Variants in PCCA observed in about 807,000 individuals in gnomAD.
PCCA encodes the protein propionyl-CoA carboxylase alpha chain, mitochondrial.
PCCA carries 74 observed loss-of-function variants against 101.3 expected under a neutral mutation model. That is an observed-to-expected ratio of 0.73 (90% CI 0.61 to 0.89). The LOEUF is 0.89. Ranked by LOEUF, PCCA falls within the 40% of genes least tolerant of loss-of-function variation. The pLI is 0.00. For synonymous variants in PCCA, 294 were observed against 313.6 expected, an observed-to-expected ratio of 0.94 and a Z score of 0.66; for missense variants, 891 against 907.0, an observed-to-expected ratio of 0.98 and a Z score of 0.23.
At chr13:100,112,828 G>A (rs920236562) in intron 4 of PCCA, among the ~76,000 whole-genome samples, 2 of 151,966 alleles carry the variant, frequency 1.3e-5, no homozygotes, top group African/African-American at 4.8e-5. Context: ...TGCCTGCCCC[G>A]GCCTCCCAAA....
chr13:100,443,598 T>C (rs1032153846), intron 20 of PCCA, among the ~76,000 whole-genome samples: 4 of 152,162 alleles, frequency 2.6e-5, no homozygotes, highest in Non-Finnish European at 4.4e-5. Context: ...GTTTTTGTCG[T>C]ATGAAGCTGA....
intron 11 of PCCA, among the ~76,000 whole-genome samples, chr13:100,270,754 A>G (rs1348767744): frequency 6.6e-6 from 1 of 152,146 alleles, no homozygotes; most frequent in Non-Finnish European, 1.5e-5. Context: ...CACACCTGTA[A>G]TCTTAGCACT....
At chr13:100,158,017 C>T (rs909841710) in intron 6 of PCCA, among the ~76,000 whole-genome samples, 8 of 152,160 alleles carry the variant, frequency 5.3e-5, no homozygotes, top group South Asian at 2.1e-4. Context: ...CATCATTAGG[C>T]GAGTTCATCC....
At chr13:100,100,103 T>C (rs1226481287) in intron 1 of PCCA, among the ~76,000 whole-genome samples, 3 of 152,212 alleles carry the variant, frequency 2.0e-5, no homozygotes, top group East Asian at 3.9e-4. Context: ...TTGATCCTTT[T>C]AATAACTCCC....
At chr13:100,133,504 T>G (rs1343743902) in intron 4 of PCCA, among the ~76,000 whole-genome samples, 1 of 152,238 alleles carries the variant, frequency 6.6e-6, no homozygotes, top group Non-Finnish European at 1.5e-5. Flanking sequence ...TTCAAGATTT[T>G]TGTAGTTTTG....
intron 21 of PCCA, chr13:100,473,083 A>G (rs538280128): frequency 2.6e-5 from 4 of 152,238 alleles, no homozygotes; most frequent in Non-Finnish European, 5.9e-5. Context: ...GCCATCTAGA[A>G]TGGAATAATT....
intron 19 of PCCA, among the ~76,000 whole-genome samples, chr13:100,404,765 C>G (rs968794789): frequency 1.3e-5 from 2 of 152,178 alleles, no homozygotes; most frequent in Non-Finnish European, 1.5e-5. Context: ...CTCTTACCCA[C>G]GTAACGCCCT....
At chr13:100,497,349 A>C (rs1330104120) in intron 21 of PCCA, among the ~76,000 whole-genome samples, 1 of 152,176 alleles carries the variant, frequency 6.6e-6, no homozygotes, top group Non-Finnish European at 1.5e-5. Context: ...AAAGTCACCG[A>C]ATTTGGCTTT....
intron 21 of PCCA, among the ~76,000 whole-genome samples, chr13:100,504,463 C>T (rs953634116): frequency 2.6e-5 from 4 of 152,272 alleles, no homozygotes; most frequent in South Asian, 4.1e-4. Context: ...GGCGTGAGAG[C>T]GATTTAGATC....
chr13:100,277,381 G>A (rs1460043066), intron 12 of PCCA, among the ~76,000 whole-genome samples: 2 of 152,116 alleles, frequency 1.3e-5, no homozygotes, highest in African/African-American at 4.8e-5. Context: ...GGTGTTGAGT[G>A]TTGGGTTTGC....
At chr13:100,136,776 G>A (rs2051226352) in intron 4 of PCCA, among the ~76,000 whole-genome samples, 1 of 151,976 alleles carries the variant, frequency 6.6e-6, no homozygotes, top group Non-Finnish European at 1.5e-5. Context: ...TATTTTGGAT[G>A]TCGTTTTTTT....
At chr13:100,378,054 A>G (rs953379654) in intron 19 of PCCA, among the ~76,000 whole-genome samples, 6 of 152,070 alleles carry the variant, frequency 3.9e-5, no homozygotes, top group Non-Finnish European at 5.9e-5. Flanking sequence ...GATGGTGTAT[A>G]TTGTCCTTTT....
chr13:100,120,082 C>T (rs961638685), intron 4 of PCCA, among the ~76,000 whole-genome samples: 3 of 151,772 alleles, frequency 2.0e-5, no homozygotes, highest in Admixed American at 6.6e-5. Flanking sequence ...AGGCTGGTCT[C>T]GAACTCCTGA....
intron 12 of PCCA, among the ~76,000 whole-genome samples, chr13:100,273,958 A>G (rs1203166158): frequency 6.6e-6 from 1 of 152,202 alleles, no homozygotes; most frequent in Non-Finnish European, 1.5e-5. Flanking sequence ...ATTGTGAACT[A>G]TACAGAAACA....
chr13:100,090,832 C>G (rs1004657121), intron 1 of PCCA, among the ~76,000 whole-genome samples: 4 of 152,228 alleles, frequency 2.6e-5, no homozygotes, highest in Admixed American at 2.6e-4. Flanking sequence ...GTTAATGTGA[C>G]TTGCTCGAAG....
intron 6 of PCCA, among the ~76,000 whole-genome samples, chr13:100,168,521 G>A (rs1271797430): frequency 6.6e-6 from 1 of 152,216 alleles, no homozygotes; most frequent in Non-Finnish European, 1.5e-5. Flanking sequence ...GCATGGGTCA[G>A]ATTCCAAGCA....
At chr13:100,228,795 G>A (rs765589443) in intron 7 of PCCA, among the ~76,000 whole-genome samples, 1 of 151,422 alleles carries the variant, frequency 6.6e-6, no homozygotes, top group African/African-American at 2.4e-5. Context: ...AGCTACTTGG[G>A]AGGCTGAGGC....
intron 18 of PCCA, 45 bp downstream of exon 18, chr13:100,340,304 T>C (rs191043942): frequency 1.0e-6 from 1 of 973,114 alleles, no homozygotes; most frequent in East Asian, 2.4e-5. Context: ...AGAACAATAT[T>C]GATAATCCAG....
chr13:100,143,551 TA>T (rs572832682), intron 4 of PCCA, among the ~76,000 whole-genome samples: 16,467 of 136,384 alleles, frequency 0.12, 2,538 homozygotes, highest in African/African-American at 0.37. Flanking sequence ...AAAAAAAAAA[TA>T]AAAAAAAAAA....
Sources: gnomAD v4.1 joint callset for allele counts (sites outside exome capture counted in the v4.1 genomes callset) on GRCh38, gnomAD v4.1.1 for gene constraint, MANE v1.5 for transcripts, NCBI Gene and HGNC (gene_info 2026-07-23, HGNC 2026-07-21) for gene names.